The following KLHL24 variants were observed in gnomAD, a reference collection of about 807,000 sequenced individuals.
KLHL24 encodes kelch-like protein 24.
Under a neutral mutation model 53.4 loss-of-function variants are expected in KLHL24, and 29 were observed. The observed-to-expected ratio is 0.54, with a 90% confidence interval of 0.40 to 0.74. The LOEUF (loss-of-function observed/expected upper bound fraction) is 0.74, where lower values mean the gene tolerates loss of function less well. Among genes scored for constraint, KLHL24 ranks in the 30% least tolerant of loss-of-function variants. The pLI is 0.00. For missense variants in KLHL24, 504 were observed against 744.0 expected (o/e 0.68, Z 3.75); for synonymous variants, 222 against 253.7 (o/e 0.88, Z 1.19).
At chr3:183,672,275 T>C in intron 6 of KLHL24, 21 bp from the exon 7 acceptor site, 1 of 1,329,548 alleles carries the variant, frequency 7.5e-7, no homozygotes, top group South Asian at 1.7e-5. Context: ...ATTTTAATTA[T>C]ATATTTTTAT....
At position 183,674,672 on chromosome 3, in the gene KLHL24, A is replaced by G. The variant is rs1560186520; in HGVS notation, c.1602+2188A>G. Among the ~76,000 whole-genome samples, 3 of 152,260 alleles carry G rather than the reference A, an allele frequency of 2.0e-5. No homozygotes were observed. In the East Asian group the frequency reaches 5.8e-4, roughly 29 times the overall value. On this transcript the variant is annotated intron_variant, in intron 7 of 7. Transcript: ENST00000242810. The stretch of plus-strand genomic sequence containing the variant: ...ACCATGCCCAGCCTATTATTTTTCA[A>G]TAAATCTACTTATTGTCTCTTCTTT...
At chr3:183,668,569 C>G (rs1181224010) in intron 5 of KLHL24, among the ~76,000 whole-genome samples, 1 of 152,090 alleles carries the variant, frequency 6.6e-6, no homozygotes. Flanking sequence ...GGAGCACTCC[C>G]CAGTGTAACT....
At chr3:183,660,805 A>C (rs2054171) in intron 3 of KLHL24, among the ~76,000 whole-genome samples, 60,859 of 151,458 alleles carry the variant, frequency 0.4, 15,453 homozygotes, top group African/African-American at 0.73. Flanking sequence ...CGCCTGTAAT[A>C]CCAGCACTTT....
chr3:183,664,670 A>G (rs1720272972), intron 4 of KLHL24, among the ~76,000 whole-genome samples: 1 of 152,168 alleles, frequency 6.6e-6, no homozygotes, highest in African/African-American at 2.4e-5. Context: ...TAAAATTCAC[A>G]TCCTATATTT....
chr3:183,672,981 G>A (rs1721548761), intron 7 of KLHL24: 1 of 152,040 alleles, frequency 6.6e-6, no homozygotes, highest in African/African-American at 2.4e-5. Context: ...GACAGCAAGA[G>A]CGAAACTCCG....
chr3:183,653,908 C>A (rs1479170544), intron 3 of KLHL24, among the ~76,000 whole-genome samples: 4 of 152,146 alleles, frequency 2.6e-5, no homozygotes, highest in Non-Finnish European at 5.9e-5. Flanking sequence ...ATTGCCACAA[C>A]ATGTTGGCAT....
chr3:183,679,218 C>A lies in KLHL24; in HGVS notation c.1735C>A (p.Pro579Thr). 6.2e-7 allele frequency: 1 copy of A among 1,613,806 alleles called. No homozygotes were observed. The change falls in exon 8 of 8, where the codon CCC (proline) becomes ACC (threonine). Residue 579 changes from proline (P) to threonine (T), a missense_variant. Coordinates refer to ENST00000242810, the MANE Select transcript of KLHL24 (RefSeq NM_017644.3). ...TATCATCACAGGGGTAGCTGCAATG[C>A]CCAGGCCAGTGTCCTATCATGGCTG... ...TSIITGVAAM[P>T]RPVSYHGCVT...
At chr3:183,647,304 TACTC>T (rs1375375565) in intron 2 of KLHL24, among the ~76,000 whole-genome samples, 14 of 151,962 alleles carry the variant, frequency 9.2e-5, no homozygotes, top group African/African-American at 3.4e-4. Flanking sequence ...TAGTTCCAGT[TACTC>T]AGGAGGCTGA....
At chr3:183,645,794 G>A (rs1420473400) in intron 2 of KLHL24, among the ~76,000 whole-genome samples, 3 of 152,092 alleles carry the variant, frequency 2.0e-5, no homozygotes, top group African/African-American at 7.2e-5. Flanking sequence ...TACATGTAGA[G>A]GAAAATATTT....
Position 183,663,018 on chromosome 3 carries a change from A to G in KLHL24, c.921-440A>G, listed in dbSNP as rs555299929. Among the ~76,000 whole-genome samples the G allele has an allele frequency of 2.0e-5, 3 of 152,292 alleles. No homozygotes were observed. Among genetic ancestry groups the G allele is most frequent in the South Asian group, 2.1e-4 (1 of 4,826 alleles). On this transcript the variant is annotated intron_variant, in intron 3 of 7. Coordinates refer to ENST00000242810, the MANE Select transcript of KLHL24 (RefSeq NM_017644.3). This position sits in a 1 kb window ranked among gnomAD's most constrained non-coding sequence, Gnocchi z 4.9. ...CTTTAAAGGGTGCTTGGATTATACT[A>G]TGAATTAGTTTTTTAGAACTAGCAA...
Position 183,672,682 on chromosome 3 carries a change from T to C in KLHL24, c.1602+198T>C, listed in dbSNP as rs954619739. On this transcript the variant is annotated intron_variant, in intron 7 of 7. Coordinates refer to ENST00000242810, the MANE Select transcript of KLHL24 (RefSeq NM_017644.3). ...GAGTTCAAGACCAGCCTGGCTAATATGGTGAAACCCCGTCTCTACTAAAAA... is the reference window on the plus strand; with the variant it reads ...GAGTTCAAGACCAGCCTGGCTAATACGGTGAAACCCCGTCTCTACTAAAAA... 6.4e-4 allele frequency: 213 copies of C among 330,312 alleles called. 1 individual carries two copies. The highest frequency in any genetic ancestry group is 1.6e-4 in the Non-Finnish European group (29 of 181,300). The allele number at this position is 330,312 out of a possible 1,614,324, so 20.5% of individuals were successfully genotyped here.
intron 3 of KLHL24, among the ~76,000 whole-genome samples, chr3:183,659,232 T>G (rs982774076): frequency 8.5e-5 from 13 of 152,088 alleles, no homozygotes; most frequent in Non-Finnish European, 1.9e-4. Flanking sequence ...AAAGGGAAAT[T>G]TATTAACAGG....
chr3:183,638,130 T>A (rs1214639320), intron 1 of KLHL24, among the ~76,000 whole-genome samples: 1 of 152,240 alleles, frequency 6.6e-6, no homozygotes, highest in Admixed American at 6.5e-5. Context: ...ATTGAGAGTA[T>A]TTAATGTATC....
chr3:183,668,353 C>T (rs1285601599), intron 5 of KLHL24, among the ~76,000 whole-genome samples: 1 of 152,074 alleles, frequency 6.6e-6, no homozygotes, highest in Non-Finnish European at 1.5e-5. Flanking sequence ...AAATAGTGTA[C>T]TTGACTTGAA....
intron 4 of KLHL24, among the ~76,000 whole-genome samples, chr3:183,664,333 A>G (rs773834929): frequency 1.3e-5 from 2 of 152,212 alleles, no homozygotes; most frequent in Non-Finnish European, 2.9e-5. Context: ...AGTTTATGAA[A>G]TAAGATTTGC....
chr3:183,647,998 A>G (rs543030716), intron 2 of KLHL24, among the ~76,000 whole-genome samples: 19 of 152,298 alleles, frequency 1.2e-4, no homozygotes, highest in African/African-American at 3.9e-4. Flanking sequence ...ACACAAGGAG[A>G]CCCTGTCTCA....
chr3:183,645,086 T>A (rs1375261263), intron 2 of KLHL24, among the ~76,000 whole-genome samples: 1 of 152,248 alleles, frequency 6.6e-6, no homozygotes, highest in East Asian at 1.9e-4. Flanking sequence ...GGTTCTTGAT[T>A]TGGGTACCTG....
In KLHL24 at chr3:183,681,361, T is replaced by C. The variant is rs1299044115; in HGVS notation, c.*2075T>C. ...TATTTGTAAGATCATGTCCATTTCATGAATATAGGACTTCACATAAAAAAA... is the reference window on the plus strand; with the variant it reads ...TATTTGTAAGATCATGTCCATTTCACGAATATAGGACTTCACATAAAAAAA... On this transcript the variant is annotated 3_prime_UTR_variant, in exon 8 of 8. Transcript: ENST00000242810. 1 of 152,256 alleles carries C rather than the reference T, an allele frequency of 6.6e-6. No homozygotes were observed. The highest frequency in any genetic ancestry group is 1.5e-5 in the Non-Finnish European group (1 of 67,824). The allele number at this position is 152,256 out of a possible 1,614,324, so 9.4% of individuals were successfully genotyped here. A position where few individuals can be genotyped will look rare whatever the true frequency, so the allele number is the denominator to read the frequency against.
rs1717944406 is a variant in KLHL24, at chr3:183,650,264, A to G, written c.-61-32A>G. 6 of 903,944 alleles carry G rather than the reference A, an allele frequency of 6.6e-6. No homozygotes were observed. Among genetic ancestry groups the G allele is most frequent in the South Asian group, 1.8e-5 (1 of 55,614 alleles). The allele number at this position is 903,944 out of a possible 1,614,324, so 56.0% of individuals were successfully genotyped here. ...GTGATTTGAATACTGAATTTTTTGC[A>G]TATTGAAATGTTTTCCTTTTTTTAC... is the stretch of plus-strand genomic sequence containing the variant. On this transcript the variant is annotated intron_variant, in intron 2 of 7. Coordinates refer to ENST00000242810, the MANE Select transcript of KLHL24 (RefSeq NM_017644.3). The surrounding 1 kb of genome is among the most constrained non-coding windows in gnomAD (Gnocchi z 4.5).
Sources: allele counts gnomAD v4.1 joint callset (sites outside exome capture counted in the v4.1 genomes callset), GRCh38; gene constraint gnomAD v4.1.1; non-coding constraint Gnocchi (gnomAD v3.1); transcripts MANE v1.5; gene names NCBI Gene and HGNC (gene_info 2026-07-23, HGNC 2026-07-21).